The following ENTPD3 variants were observed in gnomAD, a reference collection of about 807,000 sequenced individuals.
ENTPD3 encodes the protein CD39 antigen-like 3.
In ENTPD3, 60 loss-of-function variants were observed where a neutral mutation model predicts 51.2. The ratio of observed to expected loss-of-function variants is 1.17; its 90% CI spans 0.95 to 1.45. The LOEUF is 1.45. ENTPD3 is among the 40% of genes most tolerant of loss of function. The pLI is 0.00. For missense variants in ENTPD3, 593 were observed against 641.1 expected (o/e 0.93, Z 0.81); for synonymous variants, 221 against 238.4 (o/e 0.93, Z 0.67).
At chr3:40,399,928 T>C (rs528142135) in intron 3 of ENTPD3, among the ~76,000 whole-genome samples, 1 of 152,168 alleles carries the variant, frequency 6.6e-6, no homozygotes, top group Non-Finnish European at 1.5e-5. Flanking sequence ...GCTTTTTTTC[T>C]CCTTAATTAT....
intron 7 of ENTPD3, among the ~76,000 whole-genome samples, chr3:40,420,755 G>A (rs1207210814): frequency 6.6e-6 from 1 of 152,046 alleles, no homozygotes; most frequent in Non-Finnish European, 1.5e-5. Flanking sequence ...GATTTTTGCA[G>A]AATCTTGTCA....
At chr3:40,399,079 A>T (rs1955279141) in intron 3 of ENTPD3, among the ~76,000 whole-genome samples, 1 of 152,084 alleles carries the variant, frequency 6.6e-6, no homozygotes, top group African/African-American at 2.4e-5. Context: ...AAAATTAGCC[A>T]GGTGTGATGG....
chr3:40,388,097 G>C lies in ENTPD3; in HGVS notation c.40G>C (p.Gly14Arg), dbSNP rs762131855. 5 of 1,614,130 alleles carry C rather than the reference G, an allele frequency of 3.1e-6. No individual in the cohort carries two copies. The South Asian group carries it at 5.5e-5, about 18-fold the overall frequency. The change falls in exon 2 of 11, where the codon GGC becomes CGC. Residue 14 changes from glycine (G) to arginine (R), a missense_variant and splice_region_variant. By Grantham distance (125) the Gly-to-Arg change is moderately radical. Coordinates refer to ENST00000301825, the MANE Select transcript of ENTPD3 (RefSeq NM_001248.4). Reference sequence around the variant, plus strand: ...GACCCGCCAACCATGTGAGCAAGCAGGTTAGTATCTCTCAGCAGGTAGCAA... The same window carrying C: ...GACCCGCCAACCATGTGAGCAAGCACGTTAGTATCTCTCAGCAGGTAGCAA... ...VLTRQPCEQA[G>R]LKALYRTPTI... is the part of the protein sequence containing the mutation.
At chr3:40,412,226 C>T (rs1955652464) in intron 5 of ENTPD3, among the ~76,000 whole-genome samples, 1 of 152,204 alleles carries the variant, frequency 6.6e-6, no homozygotes, top group Admixed American at 6.5e-5. Flanking sequence ...CATATGAAAT[C>T]TGCTCATGGG....
chr3:40,392,319 G>A (rs917665249), intron 3 of ENTPD3, 169 bp downstream of exon 3: 1 of 716,834 alleles, frequency 1.4e-6, no homozygotes, highest in Non-Finnish European at 2.2e-6. Flanking sequence ...GACATGCTGG[G>A]TTTGTGATAT....
chr3:40,401,017 G>T lies in ENTPD3; in HGVS notation c.286+6G>T. 6.2e-7 allele frequency: 1 copy of T among 1,603,218 alleles called. No homozygotes were observed. Among genetic ancestry groups the T allele is most frequent in the Non-Finnish European group, 8.5e-7 (1 of 1,170,098 alleles). ...CTTCAAATGTAGTGTGAAAGGTAAG[G>T]ACTGAAGTGTGTCTGGGAGTCACAA... On this transcript the variant is annotated splice_donor_region_variant and intron_variant, in intron 4 of 10. Transcript: ENST00000301825.
chr3:40,412,068 C>A (rs908718597), intron 5 of ENTPD3, 106 bp downstream of exon 5: 4 of 1,118,854 alleles, frequency 3.6e-6, no homozygotes, highest in Non-Finnish European at 4.7e-6. Flanking sequence ...CCTCGCCCCC[C>A]AAAAAGAAGC....
intron 4 of ENTPD3, among the ~76,000 whole-genome samples, chr3:40,409,940 T>C (rs1214017408): frequency 1.3e-5 from 2 of 152,164 alleles, no homozygotes; most frequent in African/African-American, 4.8e-5. Context: ...GTTGGGGTGA[T>C]TAAAAATATA....
At chr3:40,403,046 T>C (rs1676656966) in intron 4 of ENTPD3, among the ~76,000 whole-genome samples, 1 of 152,140 alleles carries the variant, frequency 6.6e-6, no homozygotes, top group Admixed American at 6.5e-5. Context: ...AGACCTGTCC[T>C]CCCAGCCCGA....
intron 3 of ENTPD3, among the ~76,000 whole-genome samples, chr3:40,398,390 G>T (rs73076035): frequency 2.0e-5 from 3 of 152,026 alleles, no homozygotes; most frequent in Admixed American, 1.3e-4. Context: ...TGGCAGGGCG[G>T]GCTGGAGTGG....
chr3:40,394,073 A>AT (rs1955133498), intron 3 of ENTPD3, among the ~76,000 whole-genome samples: 1 of 149,792 alleles, frequency 6.7e-6, no homozygotes, highest in African/African-American at 2.5e-5. Context: ...AAAAAAAAAA[A>AT]AGGAACTGCA....
chr3:40,392,207 C>A, intron 3 of ENTPD3, 57 bp downstream of exon 3: 2 of 1,582,072 alleles, frequency 1.3e-6, no homozygotes, highest in Non-Finnish European at 8.6e-7. Context: ...GGGAAGAAAT[C>A]AATTATTCCA....
At chr3:40,388,332 C>T (rs541678303) in intron 2 of ENTPD3, among the ~76,000 whole-genome samples, 28 of 152,158 alleles carry the variant, frequency 1.8e-4, no homozygotes, top group African/African-American at 5.8e-4. Flanking sequence ...ATGGTTTTTC[C>T]GGTTTGTATA....
intron 7 of ENTPD3, among the ~76,000 whole-genome samples, chr3:40,422,094 TGA>T (rs1046922831): frequency 4.0e-5 from 6 of 151,394 alleles, no homozygotes; most frequent in African/African-American, 1.5e-4. Context: ...TCAGATAATG[TGA>T]GAGAGAGCCT....
At chr3:40,422,395 T>C (rs529593701) in intron 7 of ENTPD3, among the ~76,000 whole-genome samples, 1 of 150,994 alleles carries the variant, frequency 6.6e-6, no homozygotes, top group East Asian at 1.9e-4. Context: ...TTAGGGTACA[T>C]GTGCACAATG....
chr3:40,417,951 T>C (rs937474681), intron 7 of ENTPD3, among the ~76,000 whole-genome samples: 19 of 152,122 alleles, frequency 1.2e-4, no homozygotes, highest in Admixed American at 1.1e-3. Flanking sequence ...ATGGAATGTG[T>C]GTGTTTCTGT....
At chr3:40,426,343 G>C (rs1442568257) in intron 10 of ENTPD3, among the ~76,000 whole-genome samples, 1 of 151,854 alleles carries the variant, frequency 6.6e-6, no homozygotes, top group African/African-American at 2.4e-5. Flanking sequence ...CCTGACCTCA[G>C]GTGATCCCGC....
chr3:40,424,776 A>T, intron 10 of ENTPD3: 2 of 702,114 alleles, frequency 2.8e-6, no homozygotes, highest in Non-Finnish European at 5.2e-6. Context: ...GGAATAGCTG[A>T]TATGAAGCCT....
intron 3 of ENTPD3, chr3:40,392,388 C>T (rs1346291314): frequency 2.4e-5 from 11 of 459,982 alleles, no homozygotes; most frequent in Non-Finnish European, 3.8e-5. Flanking sequence ...TGTAGTCTTG[C>T]TTTGACTTCT....
Sources: gnomAD v4.1 joint callset for allele counts (sites outside exome capture counted in the v4.1 genomes callset) on GRCh38, gnomAD v4.1.1 for gene constraint, MANE v1.5 for transcripts, NCBI Gene and HGNC (gene_info 2026-07-23, HGNC 2026-07-21) for gene names.